The following BICD1 variants were observed in gnomAD, a reference collection of about 807,000 sequenced individuals.
BICD1 encodes the protein BICD cargo adaptor 1.
In BICD1, 35 loss-of-function variants were observed where a neutral mutation model predicts 92.5. The ratio of observed to expected loss-of-function variants is 0.38; its 90% CI spans 0.29 to 0.50. The LOEUF is 0.50. BICD1 is among the 20% of genes least tolerant of loss of function. The pLI is 0.93. For missense variants in BICD1, 950 were observed against 1,189.8 expected (o/e 0.80, Z 2.97); for synonymous variants, 429 against 465.1 (o/e 0.92, Z 1.00).
intron 1 of BICD1, among the ~76,000 whole-genome samples, chr12:32,203,655 A>G (rs1306546448): frequency 6.6e-6 from 1 of 152,170 alleles, no homozygotes; most frequent in Non-Finnish European, 1.5e-5. Context: ...TAAAAATGCT[A>G]TATAAACTGC....
At chr12:32,340,544 T>A in intron 8 of BICD1, 1 of 909,420 alleles carries the variant, frequency 1.1e-6, no homozygotes, top group Non-Finnish European at 1.3e-6. Context: ...TAACTCCTAT[T>A]GCTGTTTAAT....
intron 2 of BICD1, among the ~76,000 whole-genome samples, chr12:32,287,531 G>GTTTTTTTTT (rs576396740): frequency 5.8e-5 from 7 of 120,236 alleles, no homozygotes; most frequent in South Asian, 2.5e-4. Flanking sequence ...GCTGGGTGGT[G>GTTTTTTTTT]TTTTTTTTTT....
chr12:32,293,920 A>T, intron 2 of BICD1, 74 bp from the exon 3 acceptor site: 1 of 1,422,220 alleles, frequency 7.0e-7, no homozygotes, highest in Non-Finnish European at 9.5e-7. Flanking sequence ...ATTATTTTTA[A>T]CTACCAGGAC....
chr12:32,189,096 G>T (rs1395365192), intron 1 of BICD1, among the ~76,000 whole-genome samples: 2 of 152,128 alleles, frequency 1.3e-5, no homozygotes, highest in Non-Finnish European at 2.9e-5. Flanking sequence ...TTCTCATGAA[G>T]CCTGATAGGA....
At chr12:32,365,152 G>A (rs940826390) in intron 8 of BICD1, among the ~76,000 whole-genome samples, 8 of 152,204 alleles carry the variant, frequency 5.3e-5, no homozygotes, top group Non-Finnish European at 1.2e-4. Flanking sequence ...CAGGAGAATT[G>A]CATGAACCCA....
chr12:32,374,728 C>G (rs1426979331), intron 9 of BICD1, among the ~76,000 whole-genome samples: 1 of 133,340 alleles, frequency 7.5e-6, no homozygotes, highest in South Asian at 2.5e-4. Context: ...CCACCACGCC[C>G]GGCTAATTTT....
chr12:32,310,052 G>A (rs1159529203), intron 4 of BICD1, among the ~76,000 whole-genome samples: 1 of 152,310 alleles, frequency 6.6e-6, no homozygotes, highest in South Asian at 2.1e-4. Flanking sequence ...GCTCATGACA[G>A]TGTAGAGGGG....
chr12:32,116,492 T>TTCTCTC (rs1157756905), intron 1 of BICD1, among the ~76,000 whole-genome samples: 8 of 122,994 alleles, frequency 6.5e-5, no homozygotes, highest in African/African-American at 2.2e-4. Flanking sequence ...CTCTCTCTCT[T>TTCTCTC]TCTCTCTCTC....
intron 1 of BICD1, among the ~76,000 whole-genome samples, chr12:32,213,490 G>T (rs1354155660): frequency 6.6e-6 from 1 of 152,088 alleles, no homozygotes; most frequent in Admixed American, 6.5e-5. Flanking sequence ...CCGTCTCTCG[G>T]GTTCAAGTGA....
At chr12:32,143,734 G>T (rs528414418) in intron 1 of BICD1, among the ~76,000 whole-genome samples, 1 of 152,224 alleles carries the variant, frequency 6.6e-6, no homozygotes, top group South Asian at 2.1e-4. Flanking sequence ...TTTCCAAAGC[G>T]ATCATACCAA....
intron 1 of BICD1, among the ~76,000 whole-genome samples, chr12:32,158,095 G>GTT (rs555722768): frequency 3.5e-5 from 5 of 143,566 alleles, no homozygotes; most frequent in South Asian, 2.2e-4. Context: ...GAGCCTAGGG[G>GTT]TTTTTTTTTT....
chr12:32,309,700 C>T lies in BICD1; in HGVS notation c.1005+3578C>T, dbSNP rs1948324116. Reference sequence around the variant, plus strand: ...GCAGGCGTTGTAGGAATAGCACTGTCCTGTTGGGCGGCTGTCAGTTTTGCG... The same window carrying T: ...GCAGGCGTTGTAGGAATAGCACTGTTCTGTTGGGCGGCTGTCAGTTTTGCG... On this transcript the variant is annotated intron_variant, in intron 4 of 9. Transcript: ENST00000652176. Among the ~76,000 whole-genome samples the T allele has an allele frequency of 3.9e-5, 6 of 152,134 alleles. No homozygotes were observed. The South Asian group carries it at 1.2e-3, about 32-fold the overall frequency.
chr12:32,253,104 A>T (rs748113529), intron 2 of BICD1, among the ~76,000 whole-genome samples: 1 of 151,968 alleles, frequency 6.6e-6, no homozygotes, highest in Non-Finnish European at 1.5e-5. Flanking sequence ...GCTGGTCTTG[A>T]ACTCCTGGGC....
Position 32,187,095 on chromosome 12 carries a change from C to T in BICD1, c.214-29152C>T, listed in dbSNP as rs2121528269. On this transcript the variant is annotated intron_variant, in intron 1 of 9. Transcript: ENST00000652176. Reference sequence around the variant, plus strand: ...TAAAATTCCAGGTCTTTTCTTTTTTCTGACTTTAGGTCAGGTCTTTTCTTG... The same window carrying T: ...TAAAATTCCAGGTCTTTTCTTTTTTTTGACTTTAGGTCAGGTCTTTTCTTG... Among the ~76,000 whole-genome samples the T allele has an allele frequency of 2.0e-5, 3 of 152,182 alleles. No homozygotes were observed. The South Asian group carries it at 6.2e-4, about 32-fold the overall frequency.
chr12:32,246,801 A>G (rs1432054770), intron 2 of BICD1, among the ~76,000 whole-genome samples: 5 of 152,170 alleles, frequency 3.3e-5, no homozygotes, highest in Admixed American at 3.3e-4. Flanking sequence ...AAACAAGACA[A>G]AACCCTTGCT....
intron 1 of BICD1, among the ~76,000 whole-genome samples, chr12:32,174,385 C>T (rs1203140228): frequency 6.6e-6 from 1 of 152,000 alleles, no homozygotes; most frequent in African/African-American, 2.4e-5. Context: ...CACCTGTAGT[C>T]CCAACCACCT....
In BICD1 at chr12:32,346,283, G is replaced by A. The variant is rs181730715; in HGVS notation, c.2764+7304G>A. The stretch of plus-strand genomic sequence containing the variant: ...ACCTATAATTCCACTTTGGGAGGCC[G>A]AGGTGGGTGGATCCCTTGAGGCCAA... On this transcript the variant is annotated intron_variant, in intron 8 of 9. Coordinates refer to ENST00000652176, the MANE Select transcript of BICD1 (RefSeq NM_001714.4). Among the ~76,000 whole-genome samples the A allele has an allele frequency of 6.2e-3, 932 of 150,518 alleles. 12 individuals carry two copies. The highest frequency in any genetic ancestry group is 0.022 in the African/African-American group (885 of 41,040).
chr12:32,195,492 T>C (rs1944701270), intron 1 of BICD1, among the ~76,000 whole-genome samples: 1 of 152,222 alleles, frequency 6.6e-6, no homozygotes, highest in Admixed American at 6.5e-5. Context: ...TATGGTCATC[T>C]AATCTTTGAC....
chr12:32,152,981 G>A lies in BICD1; in HGVS notation c.213+45437G>A, dbSNP rs2121443871. On this transcript the variant is annotated intron_variant, in intron 1 of 9. Coordinates refer to ENST00000652176, the MANE Select transcript of BICD1 (RefSeq NM_001714.4). ...CAGGTTTTTTACTGAGGTATATCGT[G>A]TCATGCTGAGGTTTTGGGTATGAAT... Among the ~76,000 whole-genome samples, 2 of 152,154 alleles carry A rather than the reference G, an allele frequency of 1.3e-5. 1 individual carries two copies. Among genetic ancestry groups the A allele is most frequent in the African/African-American group, 4.8e-5 (2 of 41,498 alleles).
Sources: gnomAD v4.1 joint callset for allele counts (sites outside exome capture counted in the v4.1 genomes callset) on GRCh38, gnomAD v4.1.1 for gene constraint, MANE v1.5 for transcripts, NCBI Gene and HGNC (gene_info 2026-07-23, HGNC 2026-07-21) for gene names.